The following PARP1 variants were observed in gnomAD, a reference collection of about 807,000 sequenced individuals.
PARP1 encodes poly(ADP-ribose) polymerase 1, also known as poly [ADP-ribose] polymerase 1.
A neutral mutation model predicts 118.7 loss-of-function variants in PARP1; 44 were observed. The observed-to-expected ratio is 0.37, with a 90% confidence interval of 0.29 to 0.48. The LOEUF is 0.48. Among genes scored for constraint, PARP1 ranks in the 20% least tolerant of loss-of-function variants. The pLI is 0.99. For missense variants in PARP1, 1,100 were observed against 1,272.4 expected (o/e 0.86, Z 2.06); for synonymous variants, 492 against 483.2 (o/e 1.02, Z -0.24).
intron 2 of PARP1, among the ~76,000 whole-genome samples, chr1:226,395,312 T>C (rs1194906072): frequency 6.6e-6 from 1 of 152,176 alleles, no homozygotes; most frequent in East Asian, 1.9e-4. Context: ...GTCTGTAACA[T>C]ATATCTGTAT....
At chr1:226,374,013 G>A (rs1213326761) in intron 14 of PARP1, among the ~76,000 whole-genome samples, 1 of 152,042 alleles carries the variant, frequency 6.6e-6, no homozygotes, top group Non-Finnish European at 1.5e-5. Context: ...CACAACACAT[G>A]CTTCACTGCA....
intron 8 of PARP1, among the ~76,000 whole-genome samples, chr1:226,382,112 G>A (rs1664621466): frequency 6.6e-6 from 1 of 152,148 alleles, no homozygotes; most frequent in African/African-American, 2.4e-5. Context: ...CCCCTCTCAG[G>A]ATATGAAAAG....
intron 2 of PARP1, among the ~76,000 whole-genome samples, chr1:226,401,602 T>C (rs370638349): frequency 1.4e-4 from 22 of 152,324 alleles, no homozygotes; most frequent in African/African-American, 5.3e-4. Flanking sequence ...GTCCCTGCTT[T>C]AGTTAGTCCT....
intron 8 of PARP1, 152 bp downstream of exon 8, chr1:226,382,884 C>A: frequency 1.2e-6 from 1 of 802,378 alleles, no homozygotes; most frequent in East Asian, 2.6e-5. Flanking sequence ...AGAGAAGAGG[C>A]CTATCCCCTG....
intron 21 of PARP1, 60 bp from the exon 22 acceptor site, chr1:226,362,143 G>C: frequency 2.2e-6 from 2 of 927,702 alleles, no homozygotes; most frequent in Middle Eastern, 2.2e-4. Flanking sequence ...AAAGCTTCCA[G>C]GGAGATGAGC....
chr1:226,364,340 C>T, intron 19 of PARP1: 1 of 418,626 alleles, frequency 2.4e-6, no homozygotes, highest in East Asian at 5.3e-5. Flanking sequence ...GGAACACAGT[C>T]TCATGGAGCT....
chr1:226,402,752 C>T (rs907966053), intron 1 of PARP1, among the ~76,000 whole-genome samples: 2 of 152,226 alleles, frequency 1.3e-5, no homozygotes, highest in Admixed American at 6.5e-5. Flanking sequence ...GCACAGAAGA[C>T]ACTTGTGCAG....
Position 226,365,298 on chromosome 1 carries a change from T to A in PARP1, c.2506-144A>T. 8.4e-6 allele frequency: 8 copies of A among 957,110 alleles called. No homozygotes were observed. In the South Asian group the frequency reaches 1.1e-4, roughly 13 times the overall value. 59.3% of individuals were successfully genotyped at this position (957,110 alleles called of 1,614,324 possible). On this transcript the variant is annotated intron_variant, in intron 18 of 22. Transcript: ENST00000366794. ...AGGTCTGCTGCAATGTAAAAAGTGTTTTCCACAAGGCTGGGATGGAAGGTC... is the reference window on the plus strand; with the variant it reads ...AGGTCTGCTGCAATGTAAAAAGTGTATTCCACAAGGCTGGGATGGAAGGTC...
chr1:226,377,238 A>G lies in PARP1; in HGVS notation c.1811T>C (p.Met604Thr), dbSNP rs768036175. 20 of 1,613,958 alleles carry G rather than the reference A, an allele frequency of 1.2e-5. No homozygotes were observed. In the East Asian group the frequency reaches 4.2e-4, roughly 34 times the overall value. Reference protein sequence around the residue: ...TVIGSNKLEQMPSKEDAIEHF... With the variant: ...TVIGSNKLEQTPSKEDAIEHF... ...CTCAATGGCATCCTCCTTGGACGGC[A>G]TCTGTTCCAGTTTGTTGCTACCGAT... Residue 604 changes from methionine to threonine, a missense_variant, in exon 13 of 23, where the codon ATG (methionine) becomes ACG (threonine). Met to Thr is a moderately conservative substitution (Grantham distance 81). This residue lies in a region of PARP1 where 948 missense variants were observed against 1,031.8 expected (regional missense o/e 0.92). Coordinates refer to ENST00000366794, the MANE Select transcript of PARP1 (RefSeq NM_001618.4).
Position 226,364,196 on chromosome 1 carries a change from A to G in PARP1, c.2659-126T>C, listed in dbSNP as rs3219143. ...GCAATCCATCACTTCTAATTCTCAC[A>G]ATGCCCATGGTGAGGAAATACCAAA... is the stretch of plus-strand genomic sequence containing the variant. On this transcript the variant is annotated intron_variant, in intron 19 of 22. Coordinates refer to ENST00000366794, the MANE Select transcript of PARP1 (RefSeq NM_001618.4). 6.3e-3 allele frequency: 5,737 copies of G among 907,866 alleles called. 29 individuals carry two copies. The highest frequency in any genetic ancestry group is 0.01 in the Middle Eastern group (45 of 4,294). The allele number at this position is 907,866 out of a possible 1,614,324, so 56.2% of individuals were successfully genotyped here.
At chr1:226,403,368 T>C (rs528051589) in intron 1 of PARP1, among the ~76,000 whole-genome samples, 46 of 152,306 alleles carry the variant, frequency 3.0e-4, no homozygotes, top group Non-Finnish European at 1.6e-4. Context: ...TTAGTAGCAA[T>C]GGGGCTTCAC....
At chr1:226,395,525 A>C (rs2102743707) in intron 2 of PARP1, among the ~76,000 whole-genome samples, 1 of 152,208 alleles carries the variant, frequency 6.6e-6, no homozygotes, top group Non-Finnish European at 1.5e-5. Flanking sequence ...CATGCCTATA[A>C]TCCCAGCTAC....
Position 226,386,319 on chromosome 1 carries a change from A to C in PARP1, c.834+7T>G. On this transcript the variant is annotated splice_region_variant and intron_variant, in intron 6 of 22. Transcript: ENST00000366794. ...TGCGTGTCCCACTTAACACAAAGGC[A>C]GCTCACCGCCGACTCCCCAGAAGGC... The C allele has an allele frequency of 6.4e-7, 1 of 1,563,672 alleles. No homozygotes were observed. The highest frequency in any genetic ancestry group is 8.8e-7 in the Non-Finnish European group (1 of 1,134,036).
intron 18 of PARP1, 102 bp from the exon 19 acceptor site, chr1:226,365,256 T>G (rs1664234717): frequency 2.3e-6 from 3 of 1,317,004 alleles, no homozygotes; most frequent in Non-Finnish European, 3.2e-6. Flanking sequence ...CGGCTGTCCC[T>G]AAGGCTAGAA....
At chr1:226,394,768 T>C (rs1262473072) in intron 2 of PARP1, among the ~76,000 whole-genome samples, 1 of 152,028 alleles carries the variant, frequency 6.6e-6, no homozygotes, top group Admixed American at 6.6e-5. Flanking sequence ...GAGCAAGATG[T>C]TGTCTTGAAA....
intron 2 of PARP1, among the ~76,000 whole-genome samples, chr1:226,396,664 G>A (rs1211596167): frequency 6.6e-6 from 1 of 152,254 alleles, no homozygotes; most frequent in Non-Finnish European, 1.5e-5. Flanking sequence ...TAACTGTATG[G>A]TTATGATGGT....
chr1:226,370,796 G>A (rs1664368618), intron 14 of PARP1: 3 of 481,684 alleles, frequency 6.2e-6, no homozygotes, highest in South Asian at 2.1e-5. Flanking sequence ...AGTCCAGCAC[G>A]TCTGGACGAA....
chr1:226,376,903 C>G (rs901094764), intron 13 of PARP1, among the ~76,000 whole-genome samples: 2 of 152,172 alleles, frequency 1.3e-5, no homozygotes, highest in African/African-American at 4.8e-5. Context: ...GCTCTGGTAT[C>G]AGGGTGGTAC....
At position 226,381,197 on chromosome 1, in the gene PARP1, A is replaced by C; in HGVS notation, c.1171T>G (p.Ser391Ala). 10 of 1,614,182 alleles carry C rather than the reference A, an allele frequency of 6.2e-6. No individual in the cohort carries two copies. In the South Asian group the frequency reaches 1.1e-4, roughly 18 times the overall value. The stretch of plus-strand genomic sequence containing the variant: ...CCGAGAGTCAGGATCTTCATGTTGG[A>C]TAATGGCTTATCTGGGATGAAAGGA... ...NSSASADKPL[S>A]NMKILTLGKL... Residue 391 changes from serine (S) to alanine (A), a missense_variant, in exon 9 of 23, where the codon TCC (serine) becomes GCC (alanine). Physicochemically the swap from Ser to Ala is moderately conservative, Grantham distance 99 (BLOSUM62 1). This residue lies in a region of PARP1 where 948 missense variants were observed against 1,031.8 expected (regional missense o/e 0.92). Transcript: ENST00000366794.
Sources: allele counts gnomAD v4.1 joint callset (sites outside exome capture counted in the v4.1 genomes callset), GRCh38; gene constraint gnomAD v4.1.1; regional missense constraint gnomAD v4.1.1; transcripts MANE v1.5; gene names NCBI Gene and HGNC (gene_info 2026-07-23, HGNC 2026-07-21).